Variants in TRPC3 observed in about 807,000 individuals in gnomAD.
TRPC3 encodes transient receptor potential cation channel subfamily C member 3, also known as short transient receptor potential channel 3.
Under a neutral mutation model 90.9 loss-of-function variants are expected in TRPC3, and 54 were observed. That is an observed-to-expected ratio of 0.59 (90% CI 0.48 to 0.75). The LOEUF (loss-of-function observed/expected upper bound fraction) is 0.75, where lower values mean the gene tolerates loss of function less well. Among genes scored for constraint, TRPC3 ranks in the 30% least tolerant of loss-of-function variants. The probability of loss-of-function intolerance (pLI) is 0.00; values close to 1 mark genes in which losing one functional copy is unlikely to be tolerated. For synonymous variants in TRPC3, 424 were observed against 450.9 expected, an observed-to-expected ratio of 0.94 and a Z score of 0.75; for missense variants, 918 against 1,194.5, an observed-to-expected ratio of 0.77 and a Z score of 3.41.
chr4:121,924,917 G>A, intron 3 of TRPC3, 101 bp downstream of exon 3: 1 of 1,287,020 alleles, frequency 7.8e-7, no homozygotes, highest in Non-Finnish European at 1.1e-6. Flanking sequence ...CAGCCTACTA[G>A]CGTCTAGTCT....
At position 121,907,392 on chromosome 4, in the gene TRPC3, G is replaced by C; in HGVS notation, c.1968C>G (p.Leu656=). 6.2e-7 allele frequency: 1 copy of C among 1,613,416 alleles called. No homozygotes were observed. The highest frequency in any genetic ancestry group is 8.5e-7 in the Non-Finnish European group (1 of 1,179,540). Residue 656 remains leucine (L), a synonymous_variant, in exon 7 of 12, where the codon CTC becomes CTG. Transcript: ENST00000379645. ...TVKDIFKFMV[L]FIMVFFAFMI... is the part of the protein sequence containing the mutation. ...TAAAGGCAAAAAACACCATAATAAA[G>C]AGGACCATGAACTTGAATATGTCCT... is the stretch of plus-strand genomic sequence containing the variant.
chr4:121,929,118 G>T (rs563533309), intron 2 of TRPC3, among the ~76,000 whole-genome samples: 1 of 152,232 alleles, frequency 6.6e-6, no homozygotes, highest in African/African-American at 2.4e-5. Context: ...ATATTACCAG[G>T]TACATTATAT....
intron 10 of TRPC3, among the ~76,000 whole-genome samples, chr4:121,896,854 A>G (rs937376648): frequency 6.6e-6 from 1 of 152,176 alleles, no homozygotes; most frequent in Non-Finnish European, 1.5e-5. Context: ...GAGCAAAAAG[A>G]ACAAATCTGG....
At position 121,951,587 on chromosome 4, in the gene TRPC3, C is replaced by A; in HGVS notation, c.94G>T (p.Glu32Ter). 1 of 1,451,576 alleles carries A rather than the reference C, an allele frequency of 6.9e-7. No individual in the cohort carries two copies. The highest frequency in any genetic ancestry group is 3.1e-5 in the East Asian group (1 of 32,698). The allele number at this position is 1,451,576 out of a possible 1,614,324, so 89.9% of individuals were successfully genotyped here. A position where few individuals can be genotyped will look rare whatever the true frequency, so the allele number is the denominator to read the frequency against. Residue 32 changes from glutamate to a stop codon, truncating the protein, a stop_gained, in exon 1 of 12, where the codon GAG becomes TAG. Coordinates refer to ENST00000379645, the MANE Select transcript of TRPC3 (RefSeq NM_001130698.2). LOFTEE classifies it high-confidence loss of function. This position sits in a 1 kb window ranked among gnomAD's most constrained non-coding sequence, Gnocchi z 4.4. ...EEDEGEDEGA[E>*]PQRRRRGWRG... ...CAGCCCCGGCGGCGGCGCTGCGGCT[C>A]CGCGCCCTCGTCCTCGCCCTCGTCT...
rs1283690046 is a variant in TRPC3 at position 121,877,369 on chromosome 4, A to G, written c.*2367T>C. ...AGTCTGGCATCACCCTAATCCTTTC[A>G]GGAGCTCTGGAGCATGAACTGCACT... On this transcript the variant is annotated 3_prime_UTR_variant, in exon 12 of 12. Coordinates refer to ENST00000379645, the MANE Select transcript of TRPC3 (RefSeq NM_001130698.2). 6.6e-6 allele frequency among the ~76,000 whole-genome samples: 1 copy of G among 152,202 alleles called. No individual in the cohort carries two copies. The highest frequency in any genetic ancestry group is 2.4e-5 in the African/African-American group (1 of 41,454).
intron 2 of TRPC3, among the ~76,000 whole-genome samples, chr4:121,925,800 C>T (rs1729687709): frequency 6.6e-6 from 1 of 151,948 alleles, no homozygotes; most frequent in Non-Finnish European, 1.5e-5. Flanking sequence ...CCCATGGTAC[C>T]CCATAAATAT....
intron 10 of TRPC3, among the ~76,000 whole-genome samples, chr4:121,887,640 C>T (rs1333129326): frequency 1.3e-5 from 2 of 152,104 alleles, no homozygotes; most frequent in South Asian, 2.1e-4. Context: ...GTTACCAAAG[C>T]GAAGTCATCT....
In TRPC3 at chr4:121,877,712, C is replaced by G. The variant is rs1482627443; in HGVS notation, c.*2024G>C. On this transcript the variant is annotated 3_prime_UTR_variant, in exon 12 of 12. Coordinates refer to ENST00000379645, the MANE Select transcript of TRPC3 (RefSeq NM_001130698.2). ...AAAAGATGAAATATTAAAACTATAC[C>G]AGTTTGTACATAGTAAATAAAGAAA... 6.7e-6 allele frequency among the ~76,000 whole-genome samples: 1 copy of G among 149,670 alleles called. No individual in the cohort carries two copies. The highest frequency in any genetic ancestry group is 1.5e-5 in the Non-Finnish European group (1 of 67,714).
chr4:121,928,387 A>G (rs888249777), intron 2 of TRPC3, among the ~76,000 whole-genome samples: 3 of 152,220 alleles, frequency 2.0e-5, no homozygotes, highest in Non-Finnish European at 4.4e-5. Context: ...TGTTATAGTC[A>G]TTGGATACCA....
chr4:121,907,746 T>G (rs922371526), intron 6 of TRPC3, among the ~76,000 whole-genome samples, 179 bp from the exon 7 acceptor site: 3 of 152,060 alleles, frequency 2.0e-5, no homozygotes, highest in African/African-American at 7.2e-5. Context: ...AAACGTAAAT[T>G]CTATATTACT....
chr4:121,884,884 C>T (rs1728060377), intron 10 of TRPC3, among the ~76,000 whole-genome samples: 1 of 152,176 alleles, frequency 6.6e-6, no homozygotes, highest in African/African-American at 2.4e-5. Flanking sequence ...ACACAGTCCC[C>T]AGTCCAGTGA....
Position 121,875,981 on chromosome 4 carries a change from C to A in TRPC3, c.*3755G>T, listed in dbSNP as rs1727751437. 6.8e-6 allele frequency among the ~76,000 whole-genome samples: 1 copy of A among 147,576 alleles called. No homozygotes were observed. Among genetic ancestry groups the A allele is most frequent in the African/African-American group, 2.5e-5 (1 of 40,120 alleles). ...GTGGCGTGAACCAGCTCACTGCAGC[C>A]TCAACTTCCTGGGCTCAAGTTATCC... On this transcript the variant is annotated 3_prime_UTR_variant, in exon 12 of 12. Coordinates refer to ENST00000379645, the MANE Select transcript of TRPC3 (RefSeq NM_001130698.2).
rs1038618411 is a variant in TRPC3, at chr4:121,932,759, G to A, written c.499C>T (p.Leu167Phe). ...ATGCGCGCCAGGTTCTCCTTCTTGA[G>A]CAGCAGCTCGGTCACCTCCAGGTGC... ...NEHLEVTELL[L>F]KKENLARIGD... Residue 167 changes from leucine (L) to phenylalanine (F), a missense_variant, in exon 2 of 12, where the codon CTC becomes TTC. Leu to Phe is a conservative substitution (Grantham distance 22). Coordinates refer to ENST00000379645, the MANE Select transcript of TRPC3 (RefSeq NM_001130698.2). This position sits in a 1 kb window ranked among gnomAD's most constrained non-coding sequence, Gnocchi z 7.7. 6 of 1,613,604 alleles carry A rather than the reference G, an allele frequency of 3.7e-6. No homozygotes were observed. The highest frequency in any genetic ancestry group is 5.1e-6 in the Non-Finnish European group (6 of 1,179,762).
Position 121,875,409 on chromosome 4 carries a change from G to T in TRPC3, c.*4327C>A, listed in dbSNP as rs1034252009. ...GTTTTGTTTCTAAATGATTAGTAAA[G>T]ATTTCAACCTACTAATTTTAAGTAT... On this transcript the variant is annotated 3_prime_UTR_variant, in exon 12 of 12. Coordinates refer to ENST00000379645, the MANE Select transcript of TRPC3 (RefSeq NM_001130698.2). Among the ~76,000 whole-genome samples, 17 of 152,156 alleles carry T rather than the reference G, an allele frequency of 1.1e-4. No individual in the cohort carries two copies. Among genetic ancestry groups the T allele is most frequent in the African/African-American group, 4.1e-4 (17 of 41,452 alleles).
chr4:121,879,615 G>T lies in TRPC3; in HGVS notation c.*121C>A, dbSNP rs200413633. 4.2e-5 allele frequency: 45 copies of T among 1,064,460 alleles called. No individual in the cohort carries two copies. The highest frequency in any genetic ancestry group is 5.6e-5 in the Non-Finnish European group (42 of 749,366). 65.9% of individuals were successfully genotyped at this position (1,064,460 alleles called of 1,614,324 possible). ...AACCATTAAGAGCTAACTTTTAAAG[G>T]TTCACATGATAAAGGTAGTTAATAC... On this transcript the variant is annotated 3_prime_UTR_variant, in exon 12 of 12. Transcript: ENST00000379645.
chr4:121,932,627 A>T lies in TRPC3; in HGVS notation c.631T>A (p.Cys211Ser). Residue 211 changes from cysteine (C) to serine (S), a missense_variant, in exon 2 of 12, where the codon TGT becomes AGT. Coordinates refer to ENST00000379645, the MANE Select transcript of TRPC3 (RefSeq NM_001130698.2). This position sits in a 1 kb window ranked among gnomAD's most constrained non-coding sequence, Gnocchi z 7.7. Reference protein sequence around the residue: ...AASKRLTLSPCEQELQDDDFY... With the variant: ...AASKRLTLSPSEQELQDDDFY... ...TCGTCGTCCTGCAGCTCCTGCTCACAGGGGCTCAGAGTGAGACGCTTGCTG... is the reference window on the plus strand; with the variant it reads ...TCGTCGTCCTGCAGCTCCTGCTCACTGGGGCTCAGAGTGAGACGCTTGCTG... The T allele has an allele frequency of 1.2e-6, 2 of 1,613,294 alleles. No homozygotes were observed. Among genetic ancestry groups the T allele is most frequent in the Non-Finnish European group, 1.7e-6 (2 of 1,179,354 alleles).
chr4:121,919,590 T>C (rs2149131754), intron 3 of TRPC3, among the ~76,000 whole-genome samples: 1 of 152,304 alleles, frequency 6.6e-6, no homozygotes, highest in South Asian at 2.1e-4. Flanking sequence ...GCACACCCGT[T>C]CCAACGTCTC....
At chr4:121,911,745 A>C in intron 5 of TRPC3, 132 bp downstream of exon 5, 1 of 939,850 alleles carries the variant, frequency 1.1e-6, no homozygotes, top group Non-Finnish European at 1.5e-6. Context: ...TTATTTTGCT[A>C]TTTAGCTTAT....
rs148657198 is a variant in TRPC3, at chr4:121,931,973, T to G, written c.987+298A>C. Among the ~76,000 whole-genome samples, 125 of 152,160 alleles carry G rather than the reference T, an allele frequency of 8.2e-4. 1 individual carries two copies. The highest frequency in any genetic ancestry group is 2.9e-3 in the African/African-American group (121 of 41,516). ...AAAAAGTCACACCCAAACCCTCCTT[T>G]TAGCAAAAAGGGGAGAAATCTTGAG... is the stretch of plus-strand genomic sequence containing the variant. On this transcript the variant is annotated intron_variant, in intron 2 of 11. Coordinates refer to ENST00000379645, the MANE Select transcript of TRPC3 (RefSeq NM_001130698.2).
Sources: gnomAD v4.1 joint callset for allele counts (sites outside exome capture counted in the v4.1 genomes callset) on GRCh38, gnomAD v4.1.1 for gene constraint, Gnocchi (gnomAD v3.1) non-coding constraint, MANE v1.5 for transcripts, NCBI Gene and HGNC (gene_info 2026-07-23, HGNC 2026-07-21) for gene names.